LNX1: variants seen among roughly 807,000 people sequenced by gnomAD.
The protein encoded by LNX1 is ligand of numb-protein X 1, also known as E3 ubiquitin-protein ligase LNX.
Under a neutral mutation model 68.4 loss-of-function variants are expected in LNX1, and 54 were observed. The observed-to-expected ratio is 0.79, with a 90% CI of 0.63 to 0.99. LNX1 has a LOEUF of 0.99. Among genes scored for constraint, LNX1 ranks in the 50% least tolerant of loss-of-function variants. The pLI, the probability that LNX1 is intolerant of heterozygous loss-of-function variation, is 0.00. For synonymous variants in LNX1, 336 were observed against 350.0 expected, an observed-to-expected ratio of 0.96 and a Z score of 0.45; for missense variants, 906 against 926.4, an observed-to-expected ratio of 0.98 and a Z score of 0.29.
intron 2 of LNX1, among the ~76,000 whole-genome samples, chr4:53,552,423 C>T (rs1381763279): frequency 6.6e-6 from 1 of 152,134 alleles, no homozygotes; most frequent in Non-Finnish European, 1.5e-5. Context: ...TGAAAAAACT[C>T]CACTTTTCTG....
chr4:53,543,661 C>G (rs1485461822), intron 2 of LNX1, among the ~76,000 whole-genome samples: 4 of 151,912 alleles, frequency 2.6e-5, no homozygotes, highest in Non-Finnish European at 5.9e-5. Flanking sequence ...TTCTGTAAAC[C>G]ACTATTTTTA....
At chr4:53,523,487 A>G (rs1727387406) in intron 2 of LNX1, among the ~76,000 whole-genome samples, 2 of 152,144 alleles carry the variant, frequency 1.3e-5, no homozygotes, top group South Asian at 2.1e-4. Context: ...AAGTTTTGCC[A>G]TGTTGGCTAG....
chr4:53,478,482 T>A (rs1723708300), intron 8 of LNX1, 83 bp downstream of exon 8: 1 of 1,247,292 alleles, frequency 8.0e-7, no homozygotes, highest in Admixed American at 2.2e-5. Context: ...TCTCATTAAT[T>A]TTGAAAATAG....
intron 2 of LNX1, among the ~76,000 whole-genome samples, chr4:53,536,774 G>T (rs933834468): frequency 6.6e-6 from 1 of 152,092 alleles, no homozygotes; most frequent in African/African-American, 2.4e-5. Context: ...AATTAGTTGG[G>T]TTCTCTTCCT....
intron 9 of LNX1, among the ~76,000 whole-genome samples, chr4:53,463,533 C>T (rs988688805): frequency 1.3e-5 from 2 of 151,996 alleles, no homozygotes; most frequent in Admixed American, 6.6e-5. Flanking sequence ...GGAAATGTGG[C>T]AGCTGTTTTT....
chr4:53,564,695 C>A (rs1250101015), intron 2 of LNX1, among the ~76,000 whole-genome samples: 1 of 152,034 alleles, frequency 6.6e-6, no homozygotes, highest in Admixed American at 6.5e-5. Flanking sequence ...CTGAGCGACA[C>A]AGAAGACGGG....
At chr4:53,647,674 G>T (rs1233478922) in intron 1 of LNX1, among the ~76,000 whole-genome samples, 8 of 152,172 alleles carry the variant, frequency 5.3e-5, no homozygotes, top group Non-Finnish European at 1.0e-4. Flanking sequence ...GTAGTGTTAA[G>T]TGCATTCACA....
chr4:53,515,573 A>G (rs1211962571), intron 2 of LNX1, among the ~76,000 whole-genome samples: 7 of 151,802 alleles, frequency 4.6e-5, no homozygotes, highest in Admixed American at 4.6e-4. Flanking sequence ...TTTTTCATGT[A>G]TTTCCCTGGT....
chr4:53,507,210 G>C, intron 4 of LNX1, 107 bp downstream of exon 4: 2 of 1,195,290 alleles, frequency 1.7e-6, no homozygotes, highest in Non-Finnish European at 2.4e-6. Flanking sequence ...TATACCCTTG[G>C]GAAGAGAGGG....
At chr4:53,461,693 A>G in intron 9 of LNX1, 100 bp from the exon 10 acceptor site, 2 of 888,416 alleles carry the variant, frequency 2.3e-6, no homozygotes, top group Non-Finnish European at 3.4e-6. Context: ...GGCATTTTTA[A>G]TGGCTAAGTA....
chr4:53,574,112 C>A (rs1560675753), intron 1 of LNX1, 24 bp from the exon 2 acceptor site: 3 of 1,437,224 alleles, frequency 2.1e-6, no homozygotes, highest in Admixed American at 2.7e-5. Flanking sequence ...AGAAGGCTCA[C>A]CTTTGCTTCC....
At chr4:53,471,322 C>T (rs1380487547) in intron 9 of LNX1, among the ~76,000 whole-genome samples, 2 of 151,964 alleles carry the variant, frequency 1.3e-5, no homozygotes, top group Non-Finnish European at 2.9e-5. Flanking sequence ...CTTCCTTACA[C>T]CTTATACAAA....
At chr4:53,592,701 G>A (rs1400165834), upstream of LNX1, among the ~76,000 whole-genome samples, 6 of 152,086 alleles carry the variant, frequency 3.9e-5, no homozygotes, top group African/African-American at 1.2e-4. Flanking sequence ...TTGTTCCACC[G>A]GTTTTAATAT....
chr4:53,630,574 T>C (rs565499529), intron 1 of LNX1, among the ~76,000 whole-genome samples: 1 of 152,258 alleles, frequency 6.6e-6, no homozygotes, highest in South Asian at 2.1e-4. Flanking sequence ...TGTTCCTAAG[T>C]GCAAGAAGGC....
chr4:53,559,954 C>T (rs1410661029), intron 2 of LNX1, among the ~76,000 whole-genome samples: 1 of 152,188 alleles, frequency 6.6e-6, no homozygotes, highest in Non-Finnish European at 1.5e-5. Context: ...AGCCACTGCA[C>T]CTGGGTCTAC....
chr4:53,619,662 G>A (rs1268922829), upstream of LNX1, among the ~76,000 whole-genome samples: 1 of 152,156 alleles, frequency 6.6e-6, no homozygotes, highest in Non-Finnish European at 1.5e-5. Flanking sequence ...TATGAACAAT[G>A]CTTCTGATAT....
intron 2 of LNX1, among the ~76,000 whole-genome samples, chr4:53,514,573 C>T (rs1726609311): frequency 6.6e-6 from 1 of 152,178 alleles, no homozygotes; most frequent in African/African-American, 2.4e-5. Context: ...GGGGGAACTG[C>T]CCCCATGATT....
intron 1 of LNX1, among the ~76,000 whole-genome samples, chr4:53,577,376 C>A (rs900902303): frequency 5.3e-5 from 8 of 152,194 alleles, no homozygotes; most frequent in Non-Finnish European, 8.8e-5. Flanking sequence ...AATATAAATT[C>A]AGGCTGCAGT....
intron 1 of LNX1, 48 bp downstream of exon 1, chr4:53,591,340 G>A: frequency 1.0e-6 from 1 of 953,992 alleles, no homozygotes; most frequent in Non-Finnish European, 1.2e-6. Flanking sequence ...TCCCTCAGGG[G>A]CCAGTGGTCT....
Sources: allele counts gnomAD v4.1 joint callset (sites outside exome capture counted in the v4.1 genomes callset), GRCh38; gene constraint gnomAD v4.1.1; transcripts MANE v1.5; gene names NCBI Gene and HGNC (gene_info 2026-07-23, HGNC 2026-07-21).